RALGPS2: variants seen among roughly 807,000 people sequenced by gnomAD.
RALGPS2 encodes ras-specific guanine nucleotide-releasing factor RalGPS2.
RALGPS2 carries 43 observed loss-of-function variants against 86.8 expected under a neutral mutation model. That is an observed-to-expected ratio of 0.50 (90% confidence interval 0.39 to 0.64). The LOEUF (loss-of-function observed/expected upper bound fraction) is 0.64. Ranked by LOEUF, RALGPS2 falls within the 30% of genes least tolerant of loss-of-function variation. The pLI is 0.00. For missense variants in RALGPS2, 536 were observed against 694.6 expected, an observed-to-expected ratio of 0.77 and a Z score of 2.57; for synonymous variants, 243 against 231.3, an observed-to-expected ratio of 1.05 and a Z score of -0.46.
intron 1 of RALGPS2, among the ~76,000 whole-genome samples, chr1:178,730,267 A>G (rs1189728806): frequency 2.6e-5 from 4 of 151,972 alleles, no homozygotes; most frequent in Non-Finnish European, 4.4e-5. Flanking sequence ...CCTGTTTTTC[A>G]ATTTTAGCTG....
chr1:178,816,586 A>G (rs1340901578), intron 6 of RALGPS2, among the ~76,000 whole-genome samples: 1 of 151,556 alleles, frequency 6.6e-6, no homozygotes, highest in Non-Finnish European at 1.5e-5. Flanking sequence ...ATGAAGTCCC[A>G]TTTGTTATTT....
At chr1:178,883,209 A>T (rs1659334805) in intron 10 of RALGPS2, among the ~76,000 whole-genome samples, 1 of 152,188 alleles carries the variant, frequency 6.6e-6, no homozygotes, top group Admixed American at 6.5e-5. Flanking sequence ...GCCCTTGGCC[A>T]GGCTTGGTGG....
intron 1 of RALGPS2, among the ~76,000 whole-genome samples, chr1:178,756,459 A>G (rs1012994716): frequency 4.6e-5 from 7 of 152,092 alleles, no homozygotes; most frequent in Non-Finnish European, 4.4e-5. Flanking sequence ...ACAAGATCAG[A>G]TGGCTGTAGC....
At chr1:178,733,301 G>A (rs1398497639) in intron 1 of RALGPS2, among the ~76,000 whole-genome samples, 2 of 152,114 alleles carry the variant, frequency 1.3e-5, no homozygotes, top group Admixed American at 1.3e-4. Flanking sequence ...CACTGGAAAA[G>A]GTGTTTGCAA....
intron 1 of RALGPS2, among the ~76,000 whole-genome samples, chr1:178,732,076 T>C (rs921274706): frequency 3.9e-5 from 6 of 152,078 alleles, no homozygotes; most frequent in African/African-American, 1.5e-4. Flanking sequence ...AACGTTCTCA[T>C]GAGTGTTTCA....
chr1:178,869,955 T>A (rs1205869724), intron 8 of RALGPS2, among the ~76,000 whole-genome samples: 4 of 152,098 alleles, frequency 2.6e-5, no homozygotes, highest in Non-Finnish European at 5.9e-5. Flanking sequence ...TTACATATTT[T>A]TGGCCTTTTA....
intron 4 of RALGPS2, among the ~76,000 whole-genome samples, chr1:178,794,759 G>A (rs1276572957): frequency 6.6e-6 from 1 of 152,078 alleles, no homozygotes; most frequent in Non-Finnish European, 1.5e-5. Flanking sequence ...CCTTAAGTAG[G>A]GGATCAACTG....
Position 178,778,059 on chromosome 1 carries a change from A to C in RALGPS2, c.57+1238A>C, listed in dbSNP as rs1241167413. On this transcript the variant is annotated intron_variant, in intron 2 of 19. Coordinates refer to ENST00000367635, the MANE Select transcript of RALGPS2 (RefSeq NM_152663.5). ...TTGACAAATGGGATCTAATTAAACT[A>C]AAGAGCTTCTGCACAGCAAAAGAAA... Among the ~76,000 whole-genome samples the C allele has an allele frequency of 4.4e-5, 6 of 135,722 alleles. No individual in the cohort carries two copies. In the South Asian group the frequency reaches 7.2e-4, roughly 16 times the overall value. The allele number at this position is 135,722 out of a possible 152,430, so 89.0% of individuals were successfully genotyped here. A position where few individuals can be genotyped will look rare whatever the true frequency, so the allele number is the denominator to read the frequency against.
chr1:178,779,583 G>A (rs1224347363), intron 2 of RALGPS2, among the ~76,000 whole-genome samples: 2 of 152,074 alleles, frequency 1.3e-5, no homozygotes, highest in Admixed American at 6.6e-5. Flanking sequence ...ATTTTTGATG[G>A]ACCAGACATT....
chr1:178,750,161 T>C (rs1276972622), intron 1 of RALGPS2, among the ~76,000 whole-genome samples: 2 of 152,190 alleles, frequency 1.3e-5, no homozygotes. Context: ...CTATCCATTT[T>C]TGTTCTAGGC....
At chr1:178,886,948 C>T (rs1659514632) in intron 13 of RALGPS2, among the ~76,000 whole-genome samples, 1 of 152,116 alleles carries the variant, frequency 6.6e-6, no homozygotes, top group Non-Finnish European at 1.5e-5. Flanking sequence ...ATAAGAGTTG[C>T]TTCATGGAAG....
intron 4 of RALGPS2, among the ~76,000 whole-genome samples, chr1:178,806,825 C>G (rs899616862): frequency 3.3e-5 from 5 of 152,042 alleles, no homozygotes; most frequent in African/African-American, 1.2e-4. Context: ...TTGTGGTTCT[C>G]TCTCTCCCTG....
intron 7 of RALGPS2, among the ~76,000 whole-genome samples, chr1:178,831,195 T>A (rs1656001482): frequency 6.6e-6 from 1 of 152,228 alleles, no homozygotes; most frequent in African/African-American, 2.4e-5. Context: ...GGATGGAAGA[T>A]GAGTCATGTG....
At chr1:178,841,160 A>G (rs1046126631) in intron 8 of RALGPS2, among the ~76,000 whole-genome samples, 3 of 152,136 alleles carry the variant, frequency 2.0e-5, no homozygotes, top group Non-Finnish European at 4.4e-5. Flanking sequence ...TGAGGCCAGC[A>G]TCATCCTGAT....
intron 8 of RALGPS2, among the ~76,000 whole-genome samples, chr1:178,839,172 A>C (rs1201331517): frequency 6.6e-6 from 1 of 152,174 alleles, no homozygotes; most frequent in Admixed American, 6.5e-5. Context: ...TGCCACAAAG[A>C]TACTCCTCGA....
intron 1 of RALGPS2, among the ~76,000 whole-genome samples, chr1:178,759,969 C>T (rs991005103): frequency 6.6e-6 from 1 of 152,040 alleles, no homozygotes; most frequent in African/African-American, 2.4e-5. Context: ...TTTATCAGTC[C>T]TAATAGTTTT....
At chr1:178,818,662 A>G (rs2102218892) in intron 6 of RALGPS2, among the ~76,000 whole-genome samples, 1 of 152,320 alleles carries the variant, frequency 6.6e-6, no homozygotes, top group East Asian at 1.9e-4. Context: ...AGACTCCTAC[A>G]GATTCTAGTC....
At chr1:178,773,365 T>C (rs1427263554) in intron 1 of RALGPS2, among the ~76,000 whole-genome samples, 1 of 152,032 alleles carries the variant, frequency 6.6e-6, no homozygotes, top group Non-Finnish European at 1.5e-5. Context: ...GCTACTGTGA[T>C]GTTGAGTCAT....
At chr1:178,891,803 C>G (rs2102389113) in intron 14 of RALGPS2, among the ~76,000 whole-genome samples, 1 of 152,010 alleles carries the variant, frequency 6.6e-6, no homozygotes, top group South Asian at 2.1e-4. Flanking sequence ...TTTTAGGTGT[C>G]TTCATAGGGA....
Sources: allele counts gnomAD v4.1 joint callset (sites outside exome capture counted in the v4.1 genomes callset), GRCh38; gene constraint gnomAD v4.1.1; transcripts MANE v1.5; gene names NCBI Gene and HGNC (gene_info 2026-07-23, HGNC 2026-07-21).